The following HCN1 variants were observed in gnomAD, a reference collection of about 807,000 sequenced individuals.
The protein encoded by HCN1 is potassium/sodium hyperpolarization-activated cyclic nucleotide-gated channel 1.
A neutral mutation model predicts 78.9 loss-of-function variants in HCN1; 13 were observed. That is an observed-to-expected ratio of 0.16 (90% CI 0.11 to 0.26). HCN1 has a LOEUF of 0.26. Among genes scored for constraint, HCN1 ranks in the 10% least tolerant of loss-of-function variants. The probability of loss-of-function intolerance (pLI) is 1.00; values close to 1 mark genes in which losing one functional copy is unlikely to be tolerated. For missense variants in HCN1, 810 were observed against 1,154.3 expected (o/e 0.70, Z 4.32); for synonymous variants, 552 against 455.5 (o/e 1.21, Z -2.70).
At chr5:45,513,022 G>T (rs1171939659) in intron 2 of HCN1, among the ~76,000 whole-genome samples, 1 of 151,976 alleles carries the variant, frequency 6.6e-6, no homozygotes, top group Non-Finnish European at 1.5e-5. Context: ...TACAGTTCTG[G>T]TGAAATATGG....
At chr5:45,530,186 T>A (rs1277589777) in intron 2 of HCN1, among the ~76,000 whole-genome samples, 2 of 152,048 alleles carry the variant, frequency 1.3e-5, no homozygotes, top group South Asian at 2.1e-4. Context: ...GCTCTTTTTT[T>A]CAGAGCAGTG....
At chr5:45,412,786 A>G (rs987188751) in intron 3 of HCN1, among the ~76,000 whole-genome samples, 2 of 152,060 alleles carry the variant, frequency 1.3e-5, no homozygotes, top group African/African-American at 4.8e-5. Context: ...GGATTGACAA[A>G]GGATGAAGAG....
At chr5:45,265,667 T>C (rs1744841689) in intron 7 of HCN1, among the ~76,000 whole-genome samples, 1 of 152,222 alleles carries the variant, frequency 6.6e-6, no homozygotes, top group South Asian at 2.1e-4. Flanking sequence ...TCCTTACCTT[T>C]AATAAGAATG....
At chr5:45,466,578 C>A (rs1282581489) in intron 2 of HCN1, among the ~76,000 whole-genome samples, 2 of 151,962 alleles carry the variant, frequency 1.3e-5, no homozygotes, top group Non-Finnish European at 2.9e-5. Flanking sequence ...GGCACCTGCA[C>A]GATTTGTTAT....
intron 2 of HCN1, among the ~76,000 whole-genome samples, chr5:45,578,183 G>A (rs1302947388): frequency 2.0e-5 from 3 of 152,004 alleles, no homozygotes; most frequent in Non-Finnish European, 4.4e-5. Context: ...GTCCTGAGAA[G>A]CCAAAATGGG....
intron 3 of HCN1, among the ~76,000 whole-genome samples, chr5:45,452,575 A>T (rs1740947094): frequency 6.6e-6 from 1 of 151,824 alleles, no homozygotes; most frequent in Non-Finnish European, 1.5e-5. Flanking sequence ...ACCCTCAAGT[A>T]GGCCTCACTG....
At chr5:45,495,828 C>T (rs1175551401) in intron 2 of HCN1, among the ~76,000 whole-genome samples, 1 of 152,128 alleles carries the variant, frequency 6.6e-6, no homozygotes, top group African/African-American at 2.4e-5. Flanking sequence ...TGAATTTTGT[C>T]AAAGGCATTT....
At chr5:45,290,879 T>C (rs1308681409) in intron 6 of HCN1, among the ~76,000 whole-genome samples, 2 of 151,990 alleles carry the variant, frequency 1.3e-5, no homozygotes, top group African/African-American at 2.4e-5. Context: ...CTATAAATAA[T>C]ATATGAAAGG....
At chr5:45,585,714 C>G (rs1744202424) in intron 2 of HCN1, among the ~76,000 whole-genome samples, 1 of 152,050 alleles carries the variant, frequency 6.6e-6, no homozygotes, top group Non-Finnish European at 1.5e-5. Context: ...GTGTGGATGT[C>G]CTTTCTATTT....
chr5:45,572,122 T>C (rs1288806017), intron 2 of HCN1, among the ~76,000 whole-genome samples: 1 of 152,172 alleles, frequency 6.6e-6, no homozygotes, highest in Non-Finnish European at 1.5e-5. Flanking sequence ...ATATCTATTG[T>C]TATCCTCCTT....
At chr5:45,329,318 T>A (rs1021552816) in intron 5 of HCN1, among the ~76,000 whole-genome samples, 2 of 151,534 alleles carry the variant, frequency 1.3e-5, no homozygotes, top group Admixed American at 1.3e-4. Flanking sequence ...GTCTGTCAAT[T>A]TGCATATCCT....
chr5:45,578,262 T>C (rs1021007828), intron 2 of HCN1, among the ~76,000 whole-genome samples: 2 of 151,718 alleles, frequency 1.3e-5, no homozygotes, highest in African/African-American at 2.4e-5. Flanking sequence ...CAAATGAGGG[T>C]ATTAGGGATG....
At chr5:45,644,995 C>T in intron 2 of HCN1, 190 bp downstream of exon 2, 1 of 553,648 alleles carries the variant, frequency 1.8e-6, no homozygotes, top group South Asian at 2.7e-5. Flanking sequence ...TCAGTTCATT[C>T]AAATCCATTA....
chr5:45,273,710 T>C (rs1745002529), intron 6 of HCN1, among the ~76,000 whole-genome samples: 1 of 152,178 alleles, frequency 6.6e-6, no homozygotes. Context: ...AATTCTCTGC[T>C]GTGCATCAAA....
chr5:45,498,922 A>T (rs2111725645), intron 2 of HCN1, among the ~76,000 whole-genome samples: 1 of 152,262 alleles, frequency 6.6e-6, no homozygotes, highest in East Asian at 1.9e-4. Context: ...GACCCACTTT[A>T]GGAGGCAGTC....
At chr5:45,404,794 C>G (rs995851761) in intron 3 of HCN1, among the ~76,000 whole-genome samples, 1 of 144,638 alleles carries the variant, frequency 6.9e-6, no homozygotes, top group African/African-American at 2.5e-5. Context: ...CCAATTCAAA[C>G]TTAGCCACTC....
In HCN1 at chr5:45,538,761, A is replaced by G. The variant is rs182071760; in HGVS notation, c.850-76754T>C. On this transcript the variant is annotated intron_variant, in intron 2 of 7. Coordinates refer to ENST00000303230, the MANE Select transcript of HCN1 (RefSeq NM_021072.4). ...TGACATACCAATAGAAAACACACAC[A>G]CACAAATTTAAAAAAAAGATTTCTT... Among the ~76,000 whole-genome samples the G allele has an allele frequency of 4.9e-4, 74 of 152,274 alleles. 2 individuals carry two copies. In the East Asian group the frequency reaches 0.014, roughly 28 times the overall value.
At chr5:45,409,256 C>T (rs747646335) in intron 3 of HCN1, among the ~76,000 whole-genome samples, 6 of 151,832 alleles carry the variant, frequency 4.0e-5, no homozygotes, top group African/African-American at 7.3e-5. Context: ...AATTTCTTAC[C>T]GATGTGTGTG....
At chr5:45,519,768 T>C (rs549621552) in intron 2 of HCN1, among the ~76,000 whole-genome samples, 1 of 152,154 alleles carries the variant, frequency 6.6e-6, no homozygotes, top group Non-Finnish European at 1.5e-5. Flanking sequence ...TTTTATTTTC[T>C]GTCTTTTACA....
Sources: allele counts gnomAD v4.1 joint callset (sites outside exome capture counted in the v4.1 genomes callset), GRCh38; gene constraint gnomAD v4.1.1; transcripts MANE v1.5; gene names NCBI Gene and HGNC (gene_info 2026-07-23, HGNC 2026-07-21).